The following ZNF423 variants were observed in gnomAD, a reference collection of about 807,000 sequenced individuals.
The protein encoded by ZNF423 is Ebf-associated zinc finger protein.
Under a neutral mutation model 95.8 loss-of-function variants are expected in ZNF423, and 12 were observed. That is an observed-to-expected ratio of 0.13 (90% confidence interval 0.08 to 0.20). The LOEUF (loss-of-function observed/expected upper bound fraction) is 0.20, where lower values mean the gene tolerates loss of function less well. Among genes scored for constraint, ZNF423 ranks in the 10% least tolerant of loss-of-function variants. The pLI, the probability that ZNF423 is intolerant of heterozygous loss-of-function variation, is 1.00. For missense variants in ZNF423, 1,316 were observed against 1,737.1 expected (o/e 0.76, Z 4.31); for synonymous variants, 749 against 711.9 (o/e 1.05, Z -0.83).
chr16:49,702,952 C>T (rs906571566), intron 3 of ZNF423, among the ~76,000 whole-genome samples: 25 of 151,080 alleles, frequency 1.7e-4, no homozygotes, highest in African/African-American at 5.8e-4. Context: ...CACACACACT[C>T]CATGGCAGGA....
chr16:49,796,493 C>A (rs185223601), intron 1 of ZNF423, among the ~76,000 whole-genome samples: 1 of 152,296 alleles, frequency 6.6e-6, no homozygotes, highest in Admixed American at 6.5e-5. Context: ...GGAAAAAGGG[C>A]CCAGAACACA....
At chr16:49,702,393 G>A (rs550825494) in intron 3 of ZNF423, among the ~76,000 whole-genome samples, 116 of 152,342 alleles carry the variant, frequency 7.6e-4, no homozygotes, top group Non-Finnish European at 1.4e-3. Context: ...CTTCGAGTGG[G>A]CCAGCCCCAT....
chr16:49,848,220 G>A (rs1392482877), intron 1 of ZNF423, among the ~76,000 whole-genome samples: 1 of 152,160 alleles, frequency 6.6e-6, no homozygotes, highest in Non-Finnish European at 1.5e-5. Flanking sequence ...CCTCAGACCA[G>A]CCAGGTGAGC....
chr16:49,585,479 G>A (rs768293247), intron 5 of ZNF423, among the ~76,000 whole-genome samples: 2 of 152,160 alleles, frequency 1.3e-5, no homozygotes, highest in South Asian at 4.1e-4. Context: ...GAGTTTGGGA[G>A]GTATTTTTTA....
chr16:49,527,373 T>C (rs1216148220), intron 5 of ZNF423, among the ~76,000 whole-genome samples: 2 of 152,214 alleles, frequency 1.3e-5, no homozygotes, highest in Admixed American at 6.5e-5. Flanking sequence ...ACGCTCGCCC[T>C]GCAGGCCCCA....
At chr16:49,807,667 G>C (rs918755057) in intron 1 of ZNF423, among the ~76,000 whole-genome samples, 2 of 152,232 alleles carry the variant, frequency 1.3e-5, no homozygotes, top group Non-Finnish European at 2.9e-5. Flanking sequence ...GAGCTTGCAT[G>C]TGGAAAAGGC....
rs1270746843 is a variant in ZNF423 at position 49,752,738 on chromosome 16, A to G, written c.101-21767T>C. Reference sequence around the variant, plus strand: ...CCGTGTGACCCTAGGTTAATTACTTAACCTCTCTGAACCTCCATTTCTTCA... The same window carrying G: ...CCGTGTGACCCTAGGTTAATTACTTGACCTCTCTGAACCTCCATTTCTTCA... On this transcript the variant is annotated intron_variant, in intron 2 of 7. Coordinates refer to ENST00000563137, the MANE Select transcript of ZNF423 (RefSeq NM_001379286.1). Among the ~76,000 whole-genome samples the G allele has an allele frequency of 2.6e-5, 4 of 152,162 alleles. No homozygotes were observed. In the East Asian group the frequency reaches 5.8e-4, roughly 22 times the overall value.
At chr16:49,555,729 C>T (rs563167459) in intron 5 of ZNF423, among the ~76,000 whole-genome samples, 2 of 151,804 alleles carry the variant, frequency 1.3e-5, no homozygotes, top group African/African-American at 2.4e-5. Flanking sequence ...AATGAGTGGG[C>T]GGATGGAAGG....
intron 3 of ZNF423, among the ~76,000 whole-genome samples, chr16:49,670,926 C>T (rs1429419406): frequency 6.6e-6 from 1 of 152,186 alleles, no homozygotes; most frequent in African/African-American, 2.4e-5. Flanking sequence ...CAGCCTAGAT[C>T]GGAGGCTACT....
At chr16:49,566,630 T>C (rs1489271699) in intron 5 of ZNF423, among the ~76,000 whole-genome samples, 3 of 152,210 alleles carry the variant, frequency 2.0e-5, no homozygotes, top group East Asian at 3.8e-4. Context: ...TTCATTTGAG[T>C]AATTATCATA....
chr16:49,589,056 A>G (rs1210780319), intron 5 of ZNF423, among the ~76,000 whole-genome samples: 8 of 152,194 alleles, frequency 5.3e-5, no homozygotes, highest in Non-Finnish European at 7.3e-5. Flanking sequence ...CTCCTCTGTC[A>G]ACAACTGAAG....
At position 49,636,823 on chromosome 16, in the gene ZNF423, G is replaced by A. The variant is rs746136095; in HGVS notation, c.2353C>T (p.Pro785Ser). ...VHVKHSHLGN[P>S]AKAHKCIFCG... ...AAGATGCACTTGTGAGCCTTGGCCG[G>A]GTTGCCCAGGTGGCTGTGTTTGACG... Residue 785 changes from proline (P) to serine (S), a missense_variant, in exon 4 of 8, where the codon CCG becomes TCG. Around this residue, in one of 6 missense-constraint regions of ZNF423, gnomAD observed 620 missense variants for 775.6 expected, o/e 0.80. Coordinates refer to ENST00000563137, the MANE Select transcript of ZNF423 (RefSeq NM_001379286.1). The surrounding 1 kb of genome is among the most constrained non-coding windows in gnomAD (Gnocchi z 8.6). 12 of 1,613,982 alleles carry A rather than the reference G, an allele frequency of 7.4e-6. No homozygotes were observed. In the East Asian group the frequency reaches 2.5e-4, roughly 33 times the overall value.
chr16:49,793,039 G>A (rs149757943), intron 1 of ZNF423, among the ~76,000 whole-genome samples: 1 of 152,268 alleles, frequency 6.6e-6, no homozygotes, highest in Non-Finnish European at 1.5e-5. Flanking sequence ...AAGCACTGGG[G>A]TTACAGGCAT....
intron 7 of ZNF423, among the ~76,000 whole-genome samples, chr16:49,519,946 C>A (rs890899160): frequency 1.3e-5 from 2 of 152,218 alleles, no homozygotes; most frequent in Non-Finnish European, 2.9e-5. Context: ...CTCTTCCACA[C>A]AATACTGCCT....
At chr16:49,608,242 C>T (rs557419566) in intron 5 of ZNF423, among the ~76,000 whole-genome samples, 4 of 152,140 alleles carry the variant, frequency 2.6e-5, no homozygotes, top group Non-Finnish European at 4.4e-5. Context: ...AACAAGGGAT[C>T]GTTAGTATCA....
At chr16:49,633,614 G>A (rs1972577312) in intron 4 of ZNF423, among the ~76,000 whole-genome samples, 1 of 152,220 alleles carries the variant, frequency 6.6e-6, no homozygotes, top group South Asian at 2.1e-4. Context: ...GGGAGAAGGA[G>A]ATTTTAACCC....
chr16:49,653,920 T>G (rs1973507275), intron 3 of ZNF423, among the ~76,000 whole-genome samples: 1 of 152,162 alleles, frequency 6.6e-6, no homozygotes, highest in Non-Finnish European at 1.5e-5. Flanking sequence ...TGAACCACTT[T>G]TTGAACTTCA....
chr16:49,804,526 C>T (rs765139164), intron 1 of ZNF423, among the ~76,000 whole-genome samples: 59 of 152,204 alleles, frequency 3.9e-4, no homozygotes, highest in Non-Finnish European at 7.6e-4. Flanking sequence ...GGAACAGGCC[C>T]AGGGCTTCCA....
intron 2 of ZNF423, among the ~76,000 whole-genome samples, chr16:49,745,080 T>A (rs1444061745): frequency 6.6e-6 from 1 of 152,130 alleles, no homozygotes; most frequent in South Asian, 2.1e-4. Flanking sequence ...GCTCAAAAAT[T>A]AGAAAGCGGG....
Sources: gnomAD v4.1 joint callset for allele counts (sites outside exome capture counted in the v4.1 genomes callset) on GRCh38, gnomAD v4.1.1 for gene constraint, gnomAD v4.1.1 regional missense constraint, Gnocchi (gnomAD v3.1) non-coding constraint, MANE v1.5 for transcripts, NCBI Gene and HGNC (gene_info 2026-07-23, HGNC 2026-07-21) for gene names.